ABHD13: variants seen among roughly 807,000 people sequenced by gnomAD.
ABHD13 encodes abhydrolase domain containing 13, also known as protein ABHD13.
In ABHD13, 7 loss-of-function variants were observed where a neutral mutation model predicts 25.2. That is an observed-to-expected ratio of 0.28 (90% confidence interval 0.16 to 0.52). The LOEUF is 0.52. Ranked by LOEUF, ABHD13 falls within the 20% of genes least tolerant of loss-of-function variation. ABHD13 has a pLI of 0.96. For synonymous variants in ABHD13, 133 were observed against 136.1 expected (o/e 0.98, Z 0.16); for missense variants, 302 against 402.7 (o/e 0.75, Z 2.14).
chr13:108,228,134 T>C (rs939373260), intron 1 of ABHD13, among the ~76,000 whole-genome samples: 7 of 152,020 alleles, frequency 4.6e-5, no homozygotes, highest in African/African-American at 7.2e-5. Flanking sequence ...ATATCTCAAT[T>C]CTTTTGCCTT....
At position 108,230,788 on chromosome 13, in the gene ABHD13, ACT is replaced by A. The variant is rs773409046; in HGVS notation, c.*559_*560del. On this transcript the variant is annotated 3_prime_UTR_variant, in exon 2 of 2. Coordinates refer to ENST00000375898, the MANE Select transcript of ABHD13 (RefSeq NM_032859.3). ...CTGGGTTATATCTATTTTTATGTAAACTCTATTTTGTTTTTGGCAAGAAGTGA... is the reference window on the plus strand; with the variant it reads ...CTGGGTTATATCTATTTTTATGTAAACTATTTTGTTTTTGGCAAGAAGTGA... 2 of 166,268 alleles carry A rather than the reference ACT, an allele frequency of 1.2e-5. No homozygotes were observed. The highest frequency in any genetic ancestry group is 2.4e-5 in the African/African-American group (1 of 41,220). The allele number at this position is 166,268 out of a possible 1,614,324, so 10.3% of individuals were successfully genotyped here.
chr13:108,227,470 C>T (rs1472306609), intron 1 of ABHD13, among the ~76,000 whole-genome samples: 1 of 151,898 alleles, frequency 6.6e-6, no homozygotes, highest in East Asian at 1.9e-4. Context: ...AATAACTTTT[C>T]AAAGTTCATT....
At chr13:108,219,316 C>G (rs1879489159) in intron 1 of ABHD13, among the ~76,000 whole-genome samples, 1 of 151,976 alleles carries the variant, frequency 6.6e-6, no homozygotes, top group African/African-American at 2.4e-5. Flanking sequence ...GTATTACTAC[C>G]CAAGGTATCG....
chr13:108,229,155 T>G lies in ABHD13; in HGVS notation c.-20-44T>G, dbSNP rs1879736618. Reference sequence around the variant, plus strand: ...ATTATATTGTGGATTTTTAAAAGAATAGATAGACGTTGAATTATTGATATT... The same window carrying G: ...ATTATATTGTGGATTTTTAAAAGAAGAGATAGACGTTGAATTATTGATATT... On this transcript the variant is annotated intron_variant, in intron 1 of 1. Transcript: ENST00000375898. The surrounding 1 kb of genome is among the most constrained non-coding windows in gnomAD (Gnocchi z 4.7). 1 of 1,404,408 alleles carries G rather than the reference T, an allele frequency of 7.1e-7. No individual in the cohort carries two copies. The highest frequency in any genetic ancestry group is 1.5e-5 in the African/African-American group (1 of 68,806). 87.0% of individuals were successfully genotyped at this position (1,404,408 alleles called of 1,614,324 possible).
At position 108,221,391 on chromosome 13, in the gene ABHD13, T is replaced by G. The variant is rs115273902; in HGVS notation, c.-21+2732T>G. Among the ~76,000 whole-genome samples, 1,028 of 152,306 alleles carry G rather than the reference T, an allele frequency of 6.7e-3. 13 individuals are homozygous for G. Among genetic ancestry groups the G allele is most frequent in the African/African-American group, 0.024 (988 of 41,548 alleles). ...TAACAGAAGAGGAGAGAGATTGATATAAGAATACTGAATCTGAGTTCCACA... is the reference window on the plus strand; with the variant it reads ...TAACAGAAGAGGAGAGAGATTGATAGAAGAATACTGAATCTGAGTTCCACA... On this transcript the variant is annotated intron_variant, in intron 1 of 1. Coordinates refer to ENST00000375898, the MANE Select transcript of ABHD13 (RefSeq NM_032859.3).
At chr13:108,220,170 G>T (rs1879531200) in intron 1 of ABHD13, among the ~76,000 whole-genome samples, 2 of 152,276 alleles carry the variant, frequency 1.3e-5, no homozygotes, top group East Asian at 3.9e-4. Context: ...AACAGACCAT[G>T]ACTCAAAACA....
intron 1 of ABHD13, among the ~76,000 whole-genome samples, chr13:108,222,063 C>T (rs1460768155): frequency 6.6e-6 from 1 of 152,120 alleles, no homozygotes; most frequent in Non-Finnish European, 1.5e-5. Flanking sequence ...TAGTCTCAAA[C>T]TCCTGAGCTC....
chr13:108,228,883 A>T (rs77632635), intron 1 of ABHD13, among the ~76,000 whole-genome samples: 3 of 151,858 alleles, frequency 2.0e-5, no homozygotes, highest in Admixed American at 1.3e-4. Context: ...AAAAAAAAAA[A>T]TGACACTATC....
chr13:108,218,814 G>T (rs1185636130), intron 1 of ABHD13, among the ~76,000 whole-genome samples, 155 bp downstream of exon 1: 1 of 151,106 alleles, frequency 6.6e-6, no homozygotes, highest in African/African-American at 2.4e-5. Context: ...GCTTCCCCTG[G>T]GGGTCGTGCG....
chr13:108,223,390 T>G (rs1879606326), intron 1 of ABHD13, among the ~76,000 whole-genome samples: 1 of 152,260 alleles, frequency 6.6e-6, no homozygotes, highest in African/African-American at 2.4e-5. Context: ...ACAATTCAAA[T>G]GTATTTCAAT....
In ABHD13 at chr13:108,233,543, CTG is replaced by C. The variant is rs1326612624; in HGVS notation, c.*3314_*3315del. The C allele has an allele frequency of 3.0e-5, 5 of 166,616 alleles. No individual in the cohort carries two copies. The highest frequency in any genetic ancestry group is 6.6e-5 in the Admixed American group (1 of 15,224). 10.3% of individuals were successfully genotyped at this position (166,616 alleles called of 1,614,324 possible). A position where few individuals can be genotyped will look rare whatever the true frequency, so the allele number is the denominator to read the frequency against. ...TGATAATTATATGTATTTTTAAAAA[CTG>C]TGAGAGGAAAAATTAGTCATAACCC... is the stretch of plus-strand genomic sequence containing the variant. On this transcript the variant is annotated 3_prime_UTR_variant, in exon 2 of 2. Transcript: ENST00000375898.
chr13:108,230,362 C>T lies in ABHD13; in HGVS notation c.*130C>T. ...TAAACTTTGAAAGGACTTCACTGCT[C>T]CTTTACGATATTCCAAATAGTTTTT... On this transcript the variant is annotated 3_prime_UTR_variant, in exon 2 of 2. Coordinates refer to ENST00000375898, the MANE Select transcript of ABHD13 (RefSeq NM_032859.3). 1 of 722,944 alleles carries T rather than the reference C, an allele frequency of 1.4e-6. No individual in the cohort carries two copies. Among genetic ancestry groups the T allele is most frequent in the Non-Finnish European group, 2.2e-6 (1 of 456,774 alleles). 44.8% of individuals were successfully genotyped at this position (722,944 alleles called of 1,614,324 possible).
Position 108,229,425 on chromosome 13 carries a change from A to G in ABHD13, c.207A>G (p.Glu69=), listed in dbSNP as rs781166861. The change falls in exon 2 of 2, where the codon GAA becomes GAG. Residue 69 remains glutamate, a synonymous_variant. Transcript: ENST00000375898. This position sits in a 1 kb window ranked among gnomAD's most constrained non-coding sequence, Gnocchi z 4.7. The stretch of plus-strand genomic sequence containing the variant: ...AGGATGTATTGCTTTATTTTCCAGA[A>G]CAGCCATCCTCTTCACGTCTTTATG... ...KFQDVLLYFP[E]QPSSSRLYVP... is the part of the protein sequence containing the mutation. 9.9e-6 allele frequency: 16 copies of G among 1,612,644 alleles called. No homozygotes were observed. In the East Asian group the frequency reaches 2.5e-4, roughly 25 times the overall value.
chr13:108,229,777 A>T lies in ABHD13; in HGVS notation c.559A>T (p.Ile187Phe). The T allele has an allele frequency of 6.2e-7, 1 of 1,612,960 alleles. No individual in the cohort carries two copies. The highest frequency in any genetic ancestry group is 1.7e-5 in the Admixed American group (1 of 59,872). Residue 187 changes from isoleucine (I) to phenylalanine (F), a missense_variant, in exon 2 of 2, where the codon ATT becomes TTT. Ile to Phe is a conservative substitution (Grantham distance 21). Transcript: ENST00000375898. The surrounding 1 kb of genome is among the most constrained non-coding windows in gnomAD (Gnocchi z 4.7). ...TAGACCTGACCTTGATAAAACAAAA[A>T]TTTTTCTTTTTGGCCGTTCCTTGGG... ...MTRPDLDKTK[I>F]FLFGRSLGGA...
rs868832326 is a variant in ABHD13, at chr13:108,233,855, T to C, written c.*3623T>C. 6.0e-6 allele frequency: 1 copy of C among 166,834 alleles called. No individual in the cohort carries two copies. Among genetic ancestry groups the C allele is most frequent in the Non-Finnish European group, 1.5e-5 (1 of 67,948 alleles). 10.3% of individuals were successfully genotyped at this position (166,834 alleles called of 1,614,324 possible). The stretch of plus-strand genomic sequence containing the variant: ...TTATATTTTGTATCTTAAAATGTAG[T>C]TTAAAAATAGGACCATGTATGAGAC... On this transcript the variant is annotated 3_prime_UTR_variant, in exon 2 of 2. Transcript: ENST00000375898.
chr13:108,222,765 A>G (rs1879595406), intron 1 of ABHD13, among the ~76,000 whole-genome samples: 1 of 152,236 alleles, frequency 6.6e-6, no homozygotes, highest in African/African-American at 2.4e-5. Context: ...TTCATTACAT[A>G]CTCACATAAA....
intron 1 of ABHD13, among the ~76,000 whole-genome samples, chr13:108,219,993 T>G (rs1178327078): frequency 6.6e-6 from 1 of 152,222 alleles, no homozygotes; most frequent in Non-Finnish European, 1.5e-5. Context: ...TCTGCTATAG[T>G]ACATAATTAA....
Position 108,233,712 on chromosome 13 carries a change from T to TAC in ABHD13, c.*3481_*3482insCA, listed in dbSNP as rs1398006687. 2 of 166,336 alleles carry TAC rather than the reference T, an allele frequency of 1.2e-5. No individual in the cohort carries two copies. Among genetic ancestry groups the TAC allele is most frequent in the East Asian group, 3.9e-4 (2 of 5,160 alleles). 10.3% of individuals were successfully genotyped at this position (166,336 alleles called of 1,614,324 possible). A position where few individuals can be genotyped will look rare whatever the true frequency, so the allele number is the denominator to read the frequency against. ...GTTTATTCTTAATACTATATATATA[T>TAC]ATACACACATAGTTTTAGCAAATTG... On this transcript the variant is annotated 3_prime_UTR_variant, in exon 2 of 2. Coordinates refer to ENST00000375898, the MANE Select transcript of ABHD13 (RefSeq NM_032859.3).
At chr13:108,227,112 T>C (rs1271122744) in intron 1 of ABHD13, among the ~76,000 whole-genome samples, 9 of 152,134 alleles carry the variant, frequency 5.9e-5, no homozygotes, top group Non-Finnish European at 7.4e-5. Context: ...TTATGATTGT[T>C]TATCACAAAA....
Sources: allele counts gnomAD v4.1 joint callset (sites outside exome capture counted in the v4.1 genomes callset), GRCh38; gene constraint gnomAD v4.1.1; non-coding constraint Gnocchi (gnomAD v3.1); transcripts MANE v1.5; gene names NCBI Gene and HGNC (gene_info 2026-07-23, HGNC 2026-07-21).